KANSL1L: variants seen among roughly 807,000 people sequenced by gnomAD.
KANSL1L encodes KAT8 regulatory NSL complex subunit 1 like, also known as KAT8 regulatory NSL complex subunit 1-like protein.
Under a neutral mutation model 108.6 loss-of-function variants are expected in KANSL1L, and 25 were observed. The ratio of observed to expected loss-of-function variants is 0.23; its 90% confidence interval spans 0.17 to 0.32. The LOEUF (loss-of-function observed/expected upper bound fraction) is 0.32, where lower values mean the gene tolerates loss of function less well. Ranked by LOEUF, KANSL1L falls within the 10% of genes least tolerant of loss-of-function variation. KANSL1L has a pLI of 1.00. For missense variants in KANSL1L, 1,137 were observed against 1,125.7 expected (o/e 1.01, Z -0.14); for synonymous variants, 405 against 395.1 (o/e 1.03, Z -0.30).
intron 13 of KANSL1L, among the ~76,000 whole-genome samples, chr2:210,024,485 A>G (rs1418496118): frequency 6.6e-6 from 1 of 152,116 alleles, no homozygotes; most frequent in Non-Finnish European, 1.5e-5. Context: ...ATTAAATGAA[A>G]GATGCTCCTT....
At chr2:210,125,269 G>T (rs1295437017) in intron 3 of KANSL1L, among the ~76,000 whole-genome samples, 3 of 151,838 alleles carry the variant, frequency 2.0e-5, no homozygotes, top group African/African-American at 7.3e-5. Context: ...GAAAAGAAAA[G>T]AAAAGAAAAT....
chr2:210,033,896 C>G (rs967042351), intron 8 of KANSL1L, among the ~76,000 whole-genome samples: 1 of 152,000 alleles, frequency 6.6e-6, no homozygotes, highest in Non-Finnish European at 1.5e-5. Flanking sequence ...TATTTTCCTT[C>G]TAATTCGTTA....
intron 1 of KANSL1L, among the ~76,000 whole-genome samples, chr2:210,167,961 C>T (rs1688085683): frequency 6.6e-6 from 1 of 151,856 alleles, no homozygotes; most frequent in Admixed American, 6.6e-5. Context: ...CATAAAACAA[C>T]ATTTAAAAGA....
chr2:210,133,507 G>C (rs2095145868), intron 2 of KANSL1L, among the ~76,000 whole-genome samples: 2 of 151,892 alleles, frequency 1.3e-5, no homozygotes, highest in South Asian at 4.1e-4. Flanking sequence ...AATCTTGCTA[G>C]AAGTTTATAA....
At chr2:210,136,008 C>T (rs189997098) in intron 2 of KANSL1L, among the ~76,000 whole-genome samples, 3 of 152,156 alleles carry the variant, frequency 2.0e-5, no homozygotes, top group Admixed American at 2.0e-4. Flanking sequence ...AATAAATATA[C>T]AGTTGTGACC....
intron 1 of KANSL1L, among the ~76,000 whole-genome samples, chr2:210,164,383 TATAA>T (rs2095376203): frequency 1.3e-5 from 2 of 152,320 alleles, no homozygotes; most frequent in South Asian, 2.1e-4. Context: ...TGGATCTTCC[TATAA>T]ATACTCAGTT....
chr2:210,095,273 T>C (rs149614541), intron 5 of KANSL1L, among the ~76,000 whole-genome samples: 362 of 152,230 alleles, frequency 2.4e-3, no homozygotes, highest in African/African-American at 8.2e-3. Context: ...TGTATGTCCC[T>C]TTTATTATAG....
intron 3 of KANSL1L, among the ~76,000 whole-genome samples, chr2:210,118,248 CACTT>C (rs938069790): frequency 5.4e-4 from 80 of 148,838 alleles, no homozygotes; most frequent in South Asian, 8.6e-4. Context: ...GCGGGTGGAT[CACTT>C]GAGGTCAGGA....
intron 12 of KANSL1L, among the ~76,000 whole-genome samples, 176 bp downstream of exon 12, chr2:210,027,120 T>C (rs1317885078): frequency 6.6e-6 from 1 of 152,186 alleles, no homozygotes; most frequent in African/African-American, 2.4e-5. Flanking sequence ...GTAGTCAAAT[T>C]TGCACAAAAC....
At chr2:210,078,336 A>G (rs528847765) in intron 5 of KANSL1L, among the ~76,000 whole-genome samples, 1 of 152,316 alleles carries the variant, frequency 6.6e-6, no homozygotes, top group South Asian at 2.1e-4. Context: ...ACAGTATACA[A>G]TTTTTAAATT....
At chr2:210,093,744 A>G (rs1472329028) in intron 5 of KANSL1L, among the ~76,000 whole-genome samples, 1 of 152,208 alleles carries the variant, frequency 6.6e-6, no homozygotes, top group East Asian at 1.9e-4. Flanking sequence ...TACCCAAAAC[A>G]ATTAAAAGCA....
chr2:210,153,631 C>T lies in KANSL1L; in HGVS notation c.952G>A (p.Ala318Thr). Residue 318 changes from alanine (A) to threonine (T), a missense_variant, in exon 2 of 15, where the codon GCT becomes ACT. Ala to Thr is a moderately conservative substitution (Grantham distance 58, BLOSUM62 0). Around this residue, in one of 3 missense-constraint regions of KANSL1L, gnomAD observed 556 missense variants for 537.7 expected, o/e 1.03. Transcript: ENST00000281772. The part of the protein sequence containing the change: ...DAKNGFARCT[A>T]AEIQRFAFSA... ...AATGCAAATCTTTGGATTTCCGCAG[C>T]TGTACACCGTGCAAAGCCATTTTTT... is the stretch of plus-strand genomic sequence containing the variant. The T allele has an allele frequency of 1.9e-6, 3 of 1,613,210 alleles. No homozygotes were observed. In the South Asian group the frequency reaches 3.3e-5, roughly 18 times the overall value.
At chr2:210,092,760 T>C (rs922482166) in intron 5 of KANSL1L, among the ~76,000 whole-genome samples, 10 of 152,170 alleles carry the variant, frequency 6.6e-5, no homozygotes, top group African/African-American at 2.4e-4. Context: ...AGGATTTCCC[T>C]AGGCTAAAAA....
chr2:210,042,903 A>C (rs2094181267), intron 7 of KANSL1L, among the ~76,000 whole-genome samples: 1 of 152,206 alleles, frequency 6.6e-6, no homozygotes, highest in Non-Finnish European at 1.5e-5. Flanking sequence ...AGTGCTTTAC[A>C]AATAAATCAG....
Position 210,122,841 on chromosome 2 carries a change from G to GA in KANSL1L, c.1230+6189dup, listed in dbSNP as rs34412653. Among the ~76,000 whole-genome samples, 387 of 149,538 alleles carry GA rather than the reference G, an allele frequency of 2.6e-3. 5 individuals are homozygous for GA. The highest frequency in any genetic ancestry group is 0.019 in the South Asian group (89 of 4,760). ...CATAAGGTGCTCAAACAAATCAATA[G>GA]AAAAAAAAAATCTAATAATCTGATT... On this transcript the variant is annotated intron_variant, in intron 3 of 14. Transcript: ENST00000281772.
intron 3 of KANSL1L, among the ~76,000 whole-genome samples, chr2:210,127,718 G>C (rs2095079569): frequency 6.9e-6 from 1 of 144,910 alleles, no homozygotes; most frequent in Admixed American, 7.1e-5. Context: ...AGGATTGCTT[G>C]AGCCCGGGAG....
chr2:210,084,822 G>A (rs1015501813), intron 5 of KANSL1L, among the ~76,000 whole-genome samples: 8 of 152,260 alleles, frequency 5.3e-5, no homozygotes, highest in Non-Finnish European at 8.8e-5. Flanking sequence ...ATGTTGGCCA[G>A]GATGGTCTCG....
chr2:210,160,321 T>C (rs1277036831), intron 1 of KANSL1L, among the ~76,000 whole-genome samples: 1 of 151,996 alleles, frequency 6.6e-6, no homozygotes, highest in Non-Finnish European at 1.5e-5. Flanking sequence ...AATGTTGTAC[T>C]GGAGGACCTA....
chr2:210,130,971 T>C (rs2095114859), intron 2 of KANSL1L, among the ~76,000 whole-genome samples: 1 of 152,130 alleles, frequency 6.6e-6, no homozygotes, highest in Non-Finnish European at 1.5e-5. Flanking sequence ...CAGATCATTG[T>C]GATCTCTAAA....
Sources: gnomAD v4.1 joint callset for allele counts (sites outside exome capture counted in the v4.1 genomes callset) on GRCh38, gnomAD v4.1.1 for gene constraint, gnomAD v4.1.1 regional missense constraint, MANE v1.5 for transcripts, NCBI Gene and HGNC (gene_info 2026-07-23, HGNC 2026-07-21) for gene names.